The following AP2M1 variants were observed in gnomAD, a reference collection of about 807,000 sequenced individuals.
AP2M1 encodes the protein adaptor related protein complex 2 subunit mu 1.
In AP2M1, 5 loss-of-function variants were observed where a neutral mutation model predicts 54.5. The observed-to-expected ratio is 0.09, with a 90% CI of 0.05 to 0.19. The LOEUF (loss-of-function observed/expected upper bound fraction) is 0.19. AP2M1 is among the 10% of genes least tolerant of loss of function. AP2M1 has a pLI of 1.00. For missense variants in AP2M1, 178 were observed against 580.2 expected (o/e 0.31, Z 7.12); for synonymous variants, 186 against 208.2 (o/e 0.89, Z 0.92).
Position 184,178,139 on chromosome 3 carries a change from T to C in AP2M1, c.75-718T>C, listed in dbSNP as rs1715147851. On this transcript the variant is annotated intron_variant, in intron 2 of 11. Transcript: ENST00000292807. This position sits in a 1 kb window ranked among gnomAD's most constrained non-coding sequence, Gnocchi z 4.9. ...CCGCCCTCCCGGTGTGTTGTGTGTC[T>C]AACCCTCTCTCTCGTTGCTATCACT... The C allele has an allele frequency of 3.0e-5, 44 of 1,473,482 alleles. No homozygotes were observed. In the South Asian group the frequency reaches 5.3e-4, roughly 18 times the overall value. 91.3% of individuals were successfully genotyped at this position (1,473,482 alleles called of 1,614,324 possible). A position where few individuals can be genotyped will look rare whatever the true frequency, so the allele number is the denominator to read the frequency against.
chr3:184,179,133 C>T lies in AP2M1; in HGVS notation c.340+11C>T, dbSNP rs375760613. 22 of 1,609,212 alleles carry T rather than the reference C, an allele frequency of 1.4e-5. No homozygotes were observed. The highest frequency in any genetic ancestry group is 5.5e-5 in the South Asian group (5 of 90,994). ...ATGAGCTGCTGGATGGTGAGGCTGG[C>T]GGGCTGGCACGGCAGCGGGCGTAGG... On this transcript the variant is annotated intron_variant, in intron 3 of 11. Coordinates refer to ENST00000292807, the MANE Select transcript of AP2M1 (RefSeq NM_004068.4).
chr3:184,179,982 A>T (rs1397046129), intron 3 of AP2M1, 187 bp from the exon 4 acceptor site: 2 of 634,734 alleles, frequency 3.2e-6, no homozygotes, highest in East Asian at 2.8e-5. Context: ...ATTTGAAAAA[A>T]ATCAAACATT....
At position 184,176,896 on chromosome 3, in the gene AP2M1, G is replaced by A. The variant is rs908904889; in HGVS notation, c.-43-55G>A. 8.6e-6 allele frequency: 11 copies of A among 1,277,268 alleles called. No homozygotes were observed. The Admixed American group carries it at 1.9e-4, about 22-fold the overall frequency. 79.1% of individuals were successfully genotyped at this position (1,277,268 alleles called of 1,614,324 possible). ...TCCAGTGACCTGCACAGCTCCACAG[G>A]GGATGTTGGCAGCGATTCTGAGGTC... On this transcript the variant is annotated intron_variant, in intron 1 of 11. Coordinates refer to ENST00000292807, the MANE Select transcript of AP2M1 (RefSeq NM_004068.4).
Position 184,175,118 on chromosome 3 carries a change from G to A in AP2M1, c.-44+159G>A, listed in dbSNP as rs76951247. 693 of 395,510 alleles carry A rather than the reference G, an allele frequency of 1.8e-3. 9 individuals are homozygous for A. In the East Asian group the frequency reaches 0.021, roughly 12 times the overall value. 24.5% of individuals were successfully genotyped at this position (395,510 alleles called of 1,614,324 possible). On this transcript the variant is annotated intron_variant, in intron 1 of 11. Coordinates refer to ENST00000292807, the MANE Select transcript of AP2M1 (RefSeq NM_004068.4). ...CCCGGGAGCTAGCTGACGGTGGGGC[G>A]GGGGCGCCCGGGGCGCGATTGCAGG...
In AP2M1 at chr3:184,177,044, C is replaced by T; in HGVS notation, c.51C>T (p.Ser17=). The T allele has an allele frequency of 1.2e-6, 2 of 1,613,794 alleles. No individual in the cohort carries two copies. Among genetic ancestry groups the T allele is most frequent in the Non-Finnish European group, 1.7e-6 (2 of 1,179,898 alleles). The change falls in exon 2 of 12, where the codon TCC becomes TCT. Residue 17 remains serine, a synonymous_variant. Transcript: ENST00000292807. ...ATCACAAGGGGGAGGTGCTCATCTCCCGAGTCTACCGAGATGACATCGGGT... is the reference window on the plus strand; with the variant it reads ...ATCACAAGGGGGAGGTGCTCATCTCTCGAGTCTACCGAGATGACATCGGGT... ...IYNHKGEVLI[S]RVYRDDIGRN... is the part of the protein sequence containing the mutation.
Position 184,180,776 on chromosome 3 carries a change from G to A in AP2M1, c.430-73G>A, listed in dbSNP as rs1715248294. ...AGAAGGGATGGGGAATGAGGGTGGA[G>A]TGGGGATAGAGACAGGATGATTAAA... On this transcript the variant is annotated intron_variant, in intron 5 of 11. Transcript: ENST00000292807. This position sits in a 1 kb window ranked among gnomAD's most constrained non-coding sequence, Gnocchi z 4.9. 1 of 1,614,098 alleles carries A rather than the reference G, an allele frequency of 6.2e-7. No homozygotes were observed. Among genetic ancestry groups the A allele is most frequent in the Non-Finnish European group, 8.5e-7 (1 of 1,180,032 alleles).
chr3:184,177,190 G>A lies in AP2M1; in HGVS notation c.74+123G>A, dbSNP rs911120756. ...CCACCCTGACCCCTGGCTGCACCCT[G>A]GAAGCTCAGCTAGTGTAGCCTGGCT... is the stretch of plus-strand genomic sequence containing the variant. On this transcript the variant is annotated intron_variant, in intron 2 of 11. Transcript: ENST00000292807. The A allele has an allele frequency of 6.2e-6, 6 of 974,988 alleles. No homozygotes were observed. In the African/African-American group the frequency reaches 6.5e-5, roughly 11 times the overall value. The allele number at this position is 974,988 out of a possible 1,614,324, so 60.4% of individuals were successfully genotyped here.
At position 184,178,827 on chromosome 3, in the gene AP2M1, G is replaced by A. The variant is rs1392735534; in HGVS notation, c.75-30G>A. On this transcript the variant is annotated intron_variant, in intron 2 of 11. Transcript: ENST00000292807. This position sits in a 1 kb window ranked among gnomAD's most constrained non-coding sequence, Gnocchi z 4.9. ...ATGGGGTAAGGTTCACCTGGGTGCT[G>A]AGCAGGCCCTATGCACTCTTTTCCC... The A allele has an allele frequency of 6.2e-7, 1 of 1,609,462 alleles. No homozygotes were observed. Among genetic ancestry groups the A allele is most frequent in the South Asian group, 1.1e-5 (1 of 90,756 alleles).
At chr3:184,176,617 C>A (rs569896107) in intron 1 of AP2M1, among the ~76,000 whole-genome samples, 4 of 151,196 alleles carry the variant, frequency 2.6e-5, no homozygotes, top group Middle Eastern at 3.4e-3. Flanking sequence ...GGCGGGAGCC[C>A]GAGAGTCTGC....
rs769968777 is a variant in AP2M1, at chr3:184,182,279, G to A, written c.1061+31G>A. On this transcript the variant is annotated intron_variant, in intron 10 of 11. Transcript: ENST00000292807. The surrounding 1 kb of genome is among the most constrained non-coding windows in gnomAD (Gnocchi z 5.5). ...TCTTTCCTTCATTAGGCCACAGCAG[G>A]GCTCAAGATCCCAGTATACCCTCTT... is the stretch of plus-strand genomic sequence containing the variant. The A allele has an allele frequency of 1.2e-6, 2 of 1,606,488 alleles. No homozygotes were observed. Among genetic ancestry groups the A allele is most frequent in the Non-Finnish European group, 1.7e-6 (2 of 1,175,586 alleles).
rs1187916580 is a variant in AP2M1 at position 184,181,231 on chromosome 3, C to T, written c.707+5C>T. 3 of 1,613,892 alleles carry T rather than the reference C, an allele frequency of 1.9e-6. No homozygotes were observed. Among genetic ancestry groups the T allele is most frequent in the Middle Eastern group, 1.7e-4 (1 of 6,056 alleles). On this transcript the variant is annotated splice_donor_5th_base_variant and intron_variant, in intron 7 of 11. Coordinates refer to ENST00000292807, the MANE Select transcript of AP2M1 (RefSeq NM_004068.4). The surrounding 1 kb of genome is among the most constrained non-coding windows in gnomAD (Gnocchi z 5.7). ...AGCTGATGAAACAAGCAAGAGGTGC[C>T]TGAGGCAGGAGAGCTGGTGGGAGAG... is the stretch of plus-strand genomic sequence containing the variant.
In AP2M1 at chr3:184,181,661, T is replaced by G; in HGVS notation, c.708-35T>G. On this transcript the variant is annotated intron_variant, in intron 7 of 11. Transcript: ENST00000292807. The surrounding 1 kb of genome is among the most constrained non-coding windows in gnomAD (Gnocchi z 5.7). ...CCCAGCATGACAGCTGTCATTCTCC[T>G]GTACCAATGAGACCTCTTCTGCCCC... 1 of 1,611,898 alleles carries G rather than the reference T, an allele frequency of 6.2e-7. No individual in the cohort carries two copies. Among genetic ancestry groups the G allele is most frequent in the Non-Finnish European group, 8.5e-7 (1 of 1,179,296 alleles).
chr3:184,180,406 G>C lies in AP2M1; in HGVS notation c.423+155G>C, dbSNP rs554696282. ...CATGATTGCAGGCCGATTTTGCTCT[G>C]TGTGGTCCTCCCACTGCAGGAGCAG... On this transcript the variant is annotated intron_variant, in intron 4 of 11. Coordinates refer to ENST00000292807, the MANE Select transcript of AP2M1 (RefSeq NM_004068.4). The surrounding 1 kb of genome is among the most constrained non-coding windows in gnomAD (Gnocchi z 4.9). The C allele has an allele frequency of 1.8e-6, 2 of 1,095,610 alleles. No individual in the cohort carries two copies. The highest frequency in any genetic ancestry group is 2.6e-6 in the Non-Finnish European group (2 of 762,260). The allele number at this position is 1,095,610 out of a possible 1,614,324, so 67.9% of individuals were successfully genotyped here.
In AP2M1 at chr3:184,181,586, T is replaced by C. The variant is rs1715275151; in HGVS notation, c.708-110T>C. ...CAGACCTCCGAGTCACAAAGCTGCA[T>C]TCTAGCAGCTTTTCATAGTCTCTGG... is the stretch of plus-strand genomic sequence containing the variant. On this transcript the variant is annotated intron_variant, in intron 7 of 11. Transcript: ENST00000292807. The surrounding 1 kb of genome is among the most constrained non-coding windows in gnomAD (Gnocchi z 5.7). 7.0e-7 allele frequency: 1 copy of C among 1,433,618 alleles called. No homozygotes were observed. The highest frequency in any genetic ancestry group is 9.6e-7 in the Non-Finnish European group (1 of 1,041,272). 88.8% of individuals were successfully genotyped at this position (1,433,618 alleles called of 1,614,324 possible). A position where few individuals can be genotyped will look rare whatever the true frequency, so the allele number is the denominator to read the frequency against.
rs533151336 is a variant in AP2M1, at chr3:184,177,806, C to T, written c.74+739C>T. 1.0e-5 allele frequency: 6 copies of T among 602,860 alleles called. No individual in the cohort carries two copies. The East Asian group carries it at 1.7e-4, about 17-fold the overall frequency. 37.3% of individuals were successfully genotyped at this position (602,860 alleles called of 1,614,324 possible). A position where few individuals can be genotyped will look rare whatever the true frequency, so the allele number is the denominator to read the frequency against. On this transcript the variant is annotated intron_variant, in intron 2 of 11. Transcript: ENST00000292807. ...CCTCCGAGGCGCTAAAGAGTAGGCT[C>T]CTCTGGTTCCTGCTGCCTGTTTTTC...
chr3:184,179,666 T>C (rs1715206383), intron 3 of AP2M1, among the ~76,000 whole-genome samples: 1 of 150,470 alleles, frequency 6.6e-6, no homozygotes, highest in African/African-American at 2.4e-5. Context: ...TCTTTTCTTT[T>C]TTTTTTTTTT....
intron 3 of AP2M1, chr3:184,179,380 G>A (rs843369): frequency 0.33 from 162,446 of 493,658 alleles, 28,066 homozygotes; most frequent in East Asian, 0.56. Flanking sequence ...CTCAGGTTTG[G>A]TGGCTGAACC....
Position 184,179,028 on chromosome 3 carries a change from C to G in AP2M1, c.246C>G (p.Leu82=), listed in dbSNP as rs1715179696. 2 of 1,614,056 alleles carry G rather than the reference C, an allele frequency of 1.2e-6. No homozygotes were observed. The highest frequency in any genetic ancestry group is 1.7e-6 in the Non-Finnish European group (2 of 1,180,044). ...ACGCTGCCATGGTCTTCGAATTCCT[C>G]TATAAGATGTGTGACGTGATGGCTG... The part of the protein sequence containing the change: ...NVNAAMVFEF[L]YKMCDVMAAY... The change falls in exon 3 of 12, where the codon CTC becomes CTG. Residue 82 remains leucine, a synonymous_variant. Coordinates refer to ENST00000292807, the MANE Select transcript of AP2M1 (RefSeq NM_004068.4).
At chr3:184,177,155 T>C in intron 2 of AP2M1, 88 bp downstream of exon 2, 1 of 1,362,374 alleles carries the variant, frequency 7.3e-7, no homozygotes, top group Non-Finnish European at 1.0e-6. Context: ...CACCATTGGC[T>C]TGACTTGGGC....
Sources: gnomAD v4.1 joint callset for allele counts (sites outside exome capture counted in the v4.1 genomes callset) on GRCh38, gnomAD v4.1.1 for gene constraint, Gnocchi (gnomAD v3.1) non-coding constraint, MANE v1.5 for transcripts, NCBI Gene and HGNC (gene_info 2026-07-23, HGNC 2026-07-21) for gene names.